Variants in ZNF831 observed in about 807,000 individuals in gnomAD.
ZNF831 encodes zinc finger protein 831.
ZNF831 carries 59 observed loss-of-function variants against 95.8 expected under a neutral mutation model. That is an observed-to-expected ratio of 0.62 (90% CI 0.50 to 0.77). The LOEUF (loss-of-function observed/expected upper bound fraction) is 0.77, where lower values mean the gene tolerates loss of function less well. Ranked by LOEUF, ZNF831 falls within the 30% of genes least tolerant of loss-of-function variation. ZNF831 has a pLI of 0.00. For missense variants in ZNF831, 2,205 were observed against 2,164.0 expected (o/e 1.02, Z -0.38); for synonymous variants, 961 against 925.5 (o/e 1.04, Z -0.70).
chr20:59,142,578 C>T (rs1979717256), intron 1 of ZNF831, among the ~76,000 whole-genome samples: 1 of 152,218 alleles, frequency 6.6e-6, no homozygotes, highest in African/African-American at 2.4e-5. Context: ...ACAGAATCAG[C>T]AAGCTACCCC....
intron 1 of ZNF831, among the ~76,000 whole-genome samples, chr20:59,175,784 C>A (rs917116801): frequency 6.6e-6 from 1 of 152,132 alleles, no homozygotes; most frequent in African/African-American, 2.4e-5. Flanking sequence ...AGTTTGAGGT[C>A]TTCTTGGTTC....
At position 59,132,275 on chromosome 20, in the gene ZNF831, T is replaced by C. The variant is rs139229436; in HGVS notation, c.-1425+8770T>C. Among the ~76,000 whole-genome samples the C allele has an allele frequency of 5.6e-3, 823 of 147,676 alleles. 3 individuals carry two copies. The highest frequency in any genetic ancestry group is 9.0e-3 in the Non-Finnish European group (606 of 67,362). ...ATTTAGTTGCTCAAGTTTCTTCTTGTTGGAGGTTTAACTCTTTTTTTTTTT... is the reference window on the plus strand; with the variant it reads ...ATTTAGTTGCTCAAGTTTCTTCTTGCTGGAGGTTTAACTCTTTTTTTTTTT... On this transcript the variant is annotated intron_variant, in intron 1 of 7. Coordinates refer to the ZNF831 transcript ENST00000637017.
rs755204091 is a variant in ZNF831, at chr20:59,192,505, G to C, written c.1486G>C (p.Val496Leu). 2 of 1,549,286 alleles carry C rather than the reference G, an allele frequency of 1.3e-6. No homozygotes were observed. Among genetic ancestry groups the C allele is most frequent in the South Asian group, 2.5e-5 (2 of 80,584 alleles). Reference sequence around the variant, plus strand: ...CGTCCCCACTCAGCTCTCCACCACCGTGGAATGTGTCCCCGTCACCAGGAG... The same window carrying C: ...CGTCCCCACTCAGCTCTCCACCACCCTGGAATGTGTCCCCGTCACCAGGAG... ...HSVPTQLSTT[V>L]ECVPVTRSNS... Residue 496 changes from valine to leucine, a missense_variant, in exon 2 of 6, where the codon GTG (valine) becomes CTG (leucine). Transcript: ENST00000371030. This position sits in a 1 kb window ranked among gnomAD's most constrained non-coding sequence, Gnocchi z 5.2.
chr20:59,143,966 T>C (rs538934239), intron 1 of ZNF831, among the ~76,000 whole-genome samples: 19 of 152,354 alleles, frequency 1.2e-4, no homozygotes, highest in African/African-American at 4.6e-4. Flanking sequence ...CCAGTGATTA[T>C]CCGCTGAGTG....
chr20:59,193,618 G>A lies in ZNF831; in HGVS notation c.2599G>A (p.Gly867Arg). ...KQDADPGEVP[G>R]GSKESARQVG... The stretch of plus-strand genomic sequence containing the variant: ...GGATGCCGATCCCGGGGAGGTGCCA[G>A]GGGGCTCAAAGGAGAGTGCCAGGCA... The change falls in exon 2 of 6, where the codon GGG becomes AGG. Residue 867 changes from glycine to arginine, a missense_variant. Physicochemically the swap from Gly to Arg is moderately radical, Grantham distance 125. Transcript: ENST00000371030. 1 of 1,612,494 alleles carries A rather than the reference G, an allele frequency of 6.2e-7. No individual in the cohort carries two copies. The highest frequency in any genetic ancestry group is 8.5e-7 in the Non-Finnish European group (1 of 1,179,540).
intron 1 of ZNF831, among the ~76,000 whole-genome samples, chr20:59,178,726 A>G (rs1982366230): frequency 2.0e-5 from 3 of 152,318 alleles, no homozygotes; most frequent in Admixed American, 6.5e-5. Flanking sequence ...ACATGTATTT[A>G]TTGATTCCAT....
At chr20:59,128,312 A>G (rs896722284) in intron 1 of ZNF831, among the ~76,000 whole-genome samples, 10 of 152,032 alleles carry the variant, frequency 6.6e-5, no homozygotes, top group Admixed American at 6.5e-4. Flanking sequence ...CAGCGTGCAT[A>G]CTCCTGTCCC....
chr20:59,133,010 C>T (rs1198215440), intron 1 of ZNF831, among the ~76,000 whole-genome samples: 240 of 119,100 alleles, frequency 2.0e-3, no homozygotes, highest in Middle Eastern at 0.013. Flanking sequence ...TGCTATGCTC[C>T]GGTCCTGCAT....
chr20:59,254,688 T>G lies in ZNF831; in HGVS notation c.4979T>G (p.Val1660Gly), dbSNP rs939377679. The G allele has an allele frequency of 1.2e-6, 2 of 1,613,932 alleles. No homozygotes were observed. Among genetic ancestry groups the G allele is most frequent in the Non-Finnish European group, 1.7e-6 (2 of 1,180,012 alleles). The change falls in exon 6 of 6, where the codon GTA (valine) becomes GGA (glycine). Residue 1660 changes from valine to glycine, a missense_variant. Val to Gly is a moderately radical substitution (Grantham distance 109). Coordinates refer to ENST00000371030, the MANE Select transcript of ZNF831 (RefSeq NM_178457.3). The surrounding 1 kb of genome is among the most constrained non-coding windows in gnomAD (Gnocchi z 4.5). Reference sequence around the variant, plus strand: ...GAAGGAATGAGAAAGCAAACTCGAGTAGAGTTCAGTGACACCAGCAGCGAC... The same window carrying G: ...GAAGGAATGAGAAAGCAAACTCGAGGAGAGTTCAGTGACACCAGCAGCGAC... ...SLEGMRKQTR[V>G]EFSDTSSDDE... is the part of the protein sequence containing the mutation.
intron 2 of ZNF831, among the ~76,000 whole-genome samples, chr20:59,158,063 C>T (rs976871538): frequency 3.3e-5 from 5 of 152,178 alleles, no homozygotes; most frequent in African/African-American, 7.2e-5. Context: ...GATTAAAAGT[C>T]GGTAGCCAAG....
At chr20:59,133,697 G>A (rs979320916) in intron 1 of ZNF831, among the ~76,000 whole-genome samples, 2 of 152,178 alleles carry the variant, frequency 1.3e-5, no homozygotes, top group Admixed American at 6.5e-5. Context: ...GAGTCCAGGG[G>A]TCAGAGACTC....
rs767929048 is a variant in ZNF831 at position 59,192,605 on chromosome 20, C to G, written c.1586C>G (p.Thr529Arg). The G allele has an allele frequency of 2.0e-6, 3 of 1,504,824 alleles. No individual in the cohort carries two copies. The East Asian group carries it at 7.0e-5, about 35-fold the overall frequency. The allele number at this position is 1,504,824 out of a possible 1,614,324, so 93.2% of individuals were successfully genotyped here. A position where few individuals can be genotyped will look rare whatever the true frequency, so the allele number is the denominator to read the frequency against. The change falls in exon 2 of 6, where the codon ACG becomes AGG. Residue 529 changes from threonine to arginine, a missense_variant. By Grantham distance (71) the Thr-to-Arg change is moderately conservative (BLOSUM62 -1). Transcript: ENST00000371030. The surrounding 1 kb of genome is among the most constrained non-coding windows in gnomAD (Gnocchi z 5.2). ...PREPRDPWSR[T>R]QKPLSPRPGP... ...GAGCCCCGGGACCCCTGGTCCAGGA[C>G]GCAGAAGCCTCTGAGCCCCAGGCCC...
chr20:59,245,638 G>A (rs557266238), intron 4 of ZNF831, among the ~76,000 whole-genome samples: 2 of 152,286 alleles, frequency 1.3e-5, no homozygotes, highest in East Asian at 3.9e-4. Context: ...CATCACCCTT[G>A]CTTCGGAACC....
chr20:59,254,083 A>G lies in ZNF831; in HGVS notation c.4374A>G (p.Ser1458=), dbSNP rs964844415. The change falls in exon 6 of 6, where the codon TCA becomes TCG. Residue 1458 remains serine, a synonymous_variant. Transcript: ENST00000371030. This position sits in a 1 kb window ranked among gnomAD's most constrained non-coding sequence, Gnocchi z 4.5. ...TQLLASQDSV[S]TDPKPYIFSD... ...TGCTGGCCTCCCAGGATTCAGTCTC[A>G]ACAGATCCCAAACCATACATCTTCT... 1.4e-5 allele frequency: 23 copies of G among 1,614,020 alleles called. No individual in the cohort carries two copies. The highest frequency in any genetic ancestry group is 1.9e-5 in the Non-Finnish European group (22 of 1,180,036).
intron 1 of ZNF831, among the ~76,000 whole-genome samples, chr20:59,173,579 T>TTTGCCGCAA (rs1981909730): frequency 6.6e-6 from 1 of 152,238 alleles, no homozygotes; most frequent in East Asian, 1.9e-4. Flanking sequence ...AAATTGGCAC[T>TTTGCCGCAA]TTGCCGCAAT....
At chr20:59,223,218 T>C (rs1986213383) in intron 4 of ZNF831, among the ~76,000 whole-genome samples, 1 of 151,960 alleles carries the variant, frequency 6.6e-6, no homozygotes, top group Non-Finnish European at 1.5e-5. Context: ...CAAAACGAGG[T>C]GCCGAAGGCT....
chr20:59,195,650 C>A, intron 2 of ZNF831: 1 of 475,756 alleles, frequency 2.1e-6, no homozygotes, highest in Non-Finnish European at 2.7e-6. Context: ...AGGCTTTCCT[C>A]TGCGGATCAA....
intron 5 of ZNF831, 29 bp from the exon 6 acceptor site, chr20:59,253,869 C>CGGGG: frequency 9.4e-7 from 1 of 1,067,568 alleles, no homozygotes; most frequent in Non-Finnish European, 1.2e-6. Flanking sequence ...TCCCCCCCCA[C>CGGGG]TTTTTTTTTC....
chr20:59,164,403 A>T (rs958155736), intron 1 of ZNF831, among the ~76,000 whole-genome samples, 196 bp downstream of exon 1: 2 of 152,250 alleles, frequency 1.3e-5, no homozygotes, highest in African/African-American at 4.8e-5. Context: ...CAAAATATTT[A>T]CTACAATTCA....
Sources: gnomAD v4.1 joint callset for allele counts (sites outside exome capture counted in the v4.1 genomes callset) on GRCh38, gnomAD v4.1.1 for gene constraint, Gnocchi (gnomAD v3.1) non-coding constraint, MANE v1.5 for transcripts, NCBI Gene and HGNC (gene_info 2026-07-23, HGNC 2026-07-21) for gene names.